The following BARD1 variants were observed in gnomAD, a reference collection of about 807,000 sequenced individuals.
BARD1 encodes BRCA1-associated RING domain protein 1.
A neutral mutation model predicts 77.0 loss-of-function variants in BARD1; 73 were observed. The ratio of observed to expected loss-of-function variants is 0.95; its 90% CI spans 0.79 to 1.15. BARD1 has a LOEUF of 1.15. Among genes scored for constraint, BARD1 ranks in the 50% most tolerant of loss-of-function variants. The probability of loss-of-function intolerance (pLI) is 0.00; values close to 1 mark genes in which losing one functional copy is unlikely to be tolerated. For synonymous variants in BARD1, 384 were observed against 338.0 expected (o/e 1.14, Z -1.49); for missense variants, 993 against 938.8 (o/e 1.06, Z -0.75).
intron 7 of BARD1, among the ~76,000 whole-genome samples, chr2:214,749,062 T>C (rs963677533): frequency 3.3e-5 from 5 of 151,972 alleles, no homozygotes; most frequent in African/African-American, 1.2e-4. Flanking sequence ...GGAAGGGGGT[T>C]AGACAGCACT....
intron 2 of BARD1, among the ~76,000 whole-genome samples, chr2:214,795,084 T>C (rs1695700393): frequency 6.6e-6 from 1 of 152,094 alleles, no homozygotes; most frequent in African/African-American, 2.4e-5. Flanking sequence ...ACTGACCTAT[T>C]GTATACAGTG....
intron 2 of BARD1, among the ~76,000 whole-genome samples, chr2:214,795,173 G>C (rs763708352): frequency 2.0e-5 from 3 of 152,112 alleles, no homozygotes; most frequent in Non-Finnish European, 2.9e-5. Context: ...GCATCATTTC[G>C]TAAGCAGATC....
At chr2:214,770,715 G>A (rs1426536277) in intron 4 of BARD1, among the ~76,000 whole-genome samples, 2 of 152,136 alleles carry the variant, frequency 1.3e-5, no homozygotes, top group African/African-American at 4.8e-5. Context: ...TCACTTTAAA[G>A]CTGTCTTGAA....
At chr2:214,750,628 G>A (rs1693361151) in intron 7 of BARD1, among the ~76,000 whole-genome samples, 1 of 152,064 alleles carries the variant, frequency 6.6e-6, no homozygotes, top group African/African-American at 2.4e-5. Flanking sequence ...GTTTTGTTCA[G>A]GTAGCCCCCC....
chr2:214,764,303 G>A (rs1574781153), intron 6 of BARD1, among the ~76,000 whole-genome samples: 4 of 152,270 alleles, frequency 2.6e-5, no homozygotes, highest in Admixed American at 2.6e-4. Flanking sequence ...ATGATCCCTG[G>A]CCCATACAGC....
chr2:214,764,368 C>G (rs76738144), intron 6 of BARD1, among the ~76,000 whole-genome samples: 1 of 152,190 alleles, frequency 6.6e-6, no homozygotes, highest in African/African-American at 2.4e-5. Context: ...GGGAGAAGTA[C>G]CACATCAGGA....
rs1180710928 is a variant in BARD1 at position 214,780,659 on chromosome 2, C to T, written c.1215G>A (p.Arg405=). 1.2e-6 allele frequency: 2 copies of T among 1,614,030 alleles called. No homozygotes were observed. Among genetic ancestry groups the T allele is most frequent in the East Asian group, 2.2e-5 (1 of 44,874 alleles). ...PPSTLSSSSY[R]RVMSSPSAMK... ...TTGCTGAGGGACTAGACATCACTCG[C>T]CTGTAACTTGAACTACTTAATGTAG... The change falls in exon 4 of 11, where the codon AGG becomes AGA. Residue 405 remains arginine, a synonymous_variant. Coordinates refer to ENST00000260947, the MANE Select transcript of BARD1 (RefSeq NM_000465.4).
At chr2:214,758,487 C>T (rs1693804587) in intron 6 of BARD1, among the ~76,000 whole-genome samples, 1 of 152,068 alleles carries the variant, frequency 6.6e-6, no homozygotes, top group Non-Finnish European at 1.5e-5. Context: ...TTCATTTTCC[C>T]CAATTTTATG....
chr2:214,745,559 A>G (rs1693062977), intron 8 of BARD1, among the ~76,000 whole-genome samples, 163 bp downstream of exon 8: 1 of 152,202 alleles, frequency 6.6e-6, no homozygotes, highest in Non-Finnish European at 1.5e-5. Context: ...GTTGTCTATA[A>G]GTAGTTTATT....
At chr2:214,795,614 G>C (rs1695723829) in intron 2 of BARD1, among the ~76,000 whole-genome samples, 1 of 152,162 alleles carries the variant, frequency 6.6e-6, no homozygotes, top group Non-Finnish European at 1.5e-5. Flanking sequence ...AGTATGAGCA[G>C]AGATAATACA....
chr2:214,772,889 A>G lies in BARD1; in HGVS notation c.1315-3577T>C, dbSNP rs534414190. On this transcript the variant is annotated intron_variant, in intron 4 of 10. Transcript: ENST00000260947. ...TAAGTTTTGATTCTGGCTTCTTTAA[A>G]TTACTTTCAAGTACTCACTTTTGGG... Among the ~76,000 whole-genome samples, 11 of 152,376 alleles carry G rather than the reference A, an allele frequency of 7.2e-5. No homozygotes were observed. In the South Asian group the frequency reaches 2.3e-3, roughly 32 times the overall value.
chr2:214,753,043 T>A (rs1048834257), intron 6 of BARD1, among the ~76,000 whole-genome samples: 2 of 152,130 alleles, frequency 1.3e-5, no homozygotes, highest in Non-Finnish European at 2.9e-5. Flanking sequence ...AATTTAAACA[T>A]GTGTGCATAC....
In BARD1 at chr2:214,806,188, G is replaced by A. The variant is rs151129651; in HGVS notation, c.158+3224C>T. ...AGGTCAAGAAAGGATGCCCGGTTAT[G>A]TACCAATCCACCCTCACCAGCAAGT... On this transcript the variant is annotated intron_variant, in intron 1 of 10. Transcript: ENST00000260947. Among the ~76,000 whole-genome samples, 17 of 152,294 alleles carry A rather than the reference G, an allele frequency of 1.1e-4. No homozygotes were observed. The East Asian group carries it at 2.5e-3, about 22-fold the overall frequency.
intron 7 of BARD1, among the ~76,000 whole-genome samples, chr2:214,751,117 G>GTGTGTGTATATATA (rs1486423673): frequency 4.3e-4 from 7 of 16,274 alleles, no homozygotes; most frequent in Admixed American, 1.0e-3. Context: ...GTGTGTGTGT[G>GTGTGTGTATATATA]TATATATATA....
In BARD1 at chr2:214,781,157, C is replaced by T. The variant is rs760951875; in HGVS notation, c.717G>A (p.Leu239=). 1 of 1,577,016 alleles carries T rather than the reference C, an allele frequency of 6.3e-7. No individual in the cohort carries two copies. The highest frequency in any genetic ancestry group is 1.9e-5 in the Admixed American group (1 of 51,486). ...FDSKEESKQK[L]VSFCSQPSVI... ...CAGATGGTTGGCTACAGAAGGATAC[C>T]AGCTTTTGCTTAGATTCCTCTTTGG... is the stretch of plus-strand genomic sequence containing the variant. The change falls in exon 4 of 11, where the codon CTG becomes CTA. Residue 239 remains leucine, a synonymous_variant. Transcript: ENST00000260947.
chr2:214,734,057 AT>A (rs1692468714), intron 9 of BARD1, among the ~76,000 whole-genome samples: 1 of 152,154 alleles, frequency 6.6e-6, no homozygotes, highest in Non-Finnish European at 1.5e-5. Flanking sequence ...ATAATAAAAT[AT>A]TCTTTTATAT....
chr2:214,770,951 T>C (rs904937395), intron 4 of BARD1, among the ~76,000 whole-genome samples: 6 of 152,234 alleles, frequency 3.9e-5, no homozygotes, highest in African/African-American at 1.4e-4. Flanking sequence ...TTATATTTAA[T>C]TACATATTAC....
intron 7 of BARD1, among the ~76,000 whole-genome samples, chr2:214,749,183 G>GA (rs5838469): frequency 1.7e-3 from 234 of 140,172 alleles, no homozygotes; most frequent in Non-Finnish European, 1.6e-3. Flanking sequence ...CTAGTTCCTG[G>GA]AAAAAAAAAA....
chr2:214,784,897 G>C (rs1695200419), intron 3 of BARD1, among the ~76,000 whole-genome samples: 2 of 152,098 alleles, frequency 1.3e-5, no homozygotes, highest in Non-Finnish European at 2.9e-5. Flanking sequence ...GTCAGGGGAG[G>C]GATAGCATTA....
Sources: gnomAD v4.1 joint callset for allele counts (sites outside exome capture counted in the v4.1 genomes callset) on GRCh38, gnomAD v4.1.1 for gene constraint, MANE v1.5 for transcripts, NCBI Gene and HGNC (gene_info 2026-07-23, HGNC 2026-07-21) for gene names.